ROBO2: variants seen among roughly 807,000 people sequenced by gnomAD.
ROBO2 encodes roundabout homolog 2.
ROBO2 carries 53 observed loss-of-function variants against 160.8 expected under a neutral mutation model. That is an observed-to-expected ratio of 0.33 (90% CI 0.26 to 0.41). The LOEUF is 0.41. Ranked by LOEUF, ROBO2 falls within the 10% of genes least tolerant of loss-of-function variation. The pLI is 1.00. For synonymous variants in ROBO2, 664 were observed against 611.7 expected (o/e 1.09, Z -1.26); for missense variants, 1,577 against 1,722.4 (o/e 0.92, Z 1.49).
At chr3:76,054,431 A>G in intron 2 of ROBO2, among the ~76,000 whole-genome samples, 1 of 152,212 alleles carries the variant, frequency 6.6e-6, no homozygotes, top group East Asian at 1.9e-4. Flanking sequence ...AGAAATTCAG[A>G]AACGGTCAAC....
chr3:75,925,759 G>T (rs1413613491), intron 1 of ROBO2, among the ~76,000 whole-genome samples: 2 of 152,228 alleles, frequency 1.3e-5, no homozygotes, highest in African/African-American at 4.8e-5. Context: ...GGCAGCCACA[G>T]TGTAGTGGTA....
intron 2 of ROBO2, among the ~76,000 whole-genome samples, chr3:76,042,505 C>T (rs2067303645): frequency 6.6e-6 from 1 of 151,984 alleles, no homozygotes; most frequent in Admixed American, 6.5e-5. Flanking sequence ...TATTTGACTT[C>T]CATAAAATTT....
intron 2 of ROBO2, among the ~76,000 whole-genome samples, chr3:76,128,926 A>G (rs1206620892): frequency 6.6e-6 from 1 of 152,136 alleles, no homozygotes; most frequent in Non-Finnish European, 1.5e-5. Context: ...ATAGAGCAGT[A>G]ACTTGTGAAT....
chr3:76,911,790 TAAC>T (rs57483966), intron 2 of ROBO2, among the ~76,000 whole-genome samples: 15,749 of 151,858 alleles, frequency 0.1, 1,434 homozygotes, highest in African/African-American at 0.24. Context: ...AAGACAACAA[TAAC>T]AACAACAACA....
chr3:76,955,766 A>C (rs2079205467), intron 2 of ROBO2, among the ~76,000 whole-genome samples: 1 of 152,142 alleles, frequency 6.6e-6, no homozygotes, highest in Non-Finnish European at 1.5e-5. Flanking sequence ...AAAATACACT[A>C]ACTTCACAAA....
intron 2 of ROBO2, among the ~76,000 whole-genome samples, chr3:76,073,540 C>T (rs574099083): frequency 2.6e-4 from 40 of 152,092 alleles, no homozygotes; most frequent in Non-Finnish European, 5.0e-4. Flanking sequence ...ATCCACCCGC[C>T]TCAGCCTCCC....
chr3:76,613,856 G>A (rs766128619), intron 2 of ROBO2, among the ~76,000 whole-genome samples: 27 of 152,014 alleles, frequency 1.8e-4, no homozygotes, highest in Non-Finnish European at 3.2e-4. Flanking sequence ...TTGGATTCAT[G>A]TCTGAACTAA....
At chr3:76,600,001 T>G (rs2087016759) in intron 2 of ROBO2, among the ~76,000 whole-genome samples, 1 of 152,254 alleles carries the variant, frequency 6.6e-6, no homozygotes, top group Non-Finnish European at 1.5e-5. Context: ...ATTTTCTGTT[T>G]ACTCTGTTGA....
intron 2 of ROBO2, among the ~76,000 whole-genome samples, chr3:77,023,206 G>A (rs1374246950): frequency 1.3e-5 from 2 of 152,068 alleles, no homozygotes; most frequent in Non-Finnish European, 2.9e-5. Context: ...TGGGCTTATC[G>A]GGGGTTACTG....
chr3:76,858,605 G>A (rs2070394751), intron 2 of ROBO2, among the ~76,000 whole-genome samples: 1 of 152,154 alleles, frequency 6.6e-6, no homozygotes, highest in African/African-American at 2.4e-5. Flanking sequence ...ACCATGTCAT[G>A]AGTAATAAGA....
At chr3:77,588,631 C>A in intron 16 of ROBO2, 120 bp from the exon 18 acceptor site, 1 of 956,738 alleles carries the variant, frequency 1.0e-6, no homozygotes, top group East Asian at 2.6e-5. Context: ...GTGATAGGCT[C>A]AAAACTAAAC....
At chr3:76,930,795 T>A (rs1202695904) in intron 2 of ROBO2, among the ~76,000 whole-genome samples, 2 of 152,208 alleles carry the variant, frequency 1.3e-5, no homozygotes, top group Non-Finnish European at 2.9e-5. Context: ...CACCTTTTTG[T>A]TCTGTTCAGG....
At chr3:76,135,330 A>C (rs2071390162) in intron 2 of ROBO2, among the ~76,000 whole-genome samples, 9 of 152,124 alleles carry the variant, frequency 5.9e-5, no homozygotes, top group Admixed American at 5.9e-4. Flanking sequence ...ACATATGAGG[A>C]AACCTAGGCT....
chr3:77,535,328 G>A (rs922796583), intron 6 of ROBO2, among the ~76,000 whole-genome samples: 17 of 151,688 alleles, frequency 1.1e-4, no homozygotes, highest in Admixed American at 1.1e-3. Context: ...CTGGCAAGTT[G>A]ACAGGTTAAG....
intron 2 of ROBO2, among the ~76,000 whole-genome samples, chr3:76,018,251 T>A (rs944364785): frequency 6.6e-6 from 1 of 151,982 alleles, no homozygotes; most frequent in Non-Finnish European, 1.5e-5. Flanking sequence ...ACATGGTGAA[T>A]GTCACATTTC....
chr3:77,454,881 T>A (rs752094412), intron 2 of ROBO2, among the ~76,000 whole-genome samples: 1 of 152,320 alleles, frequency 6.6e-6, no homozygotes, highest in Admixed American at 6.5e-5. Context: ...AGTTTGAAGA[T>A]CATGGTTGAG....
chr3:76,932,084 AT>A (rs1429628605), intron 2 of ROBO2, among the ~76,000 whole-genome samples: 9 of 152,242 alleles, frequency 5.9e-5, no homozygotes, highest in South Asian at 4.1e-4. Flanking sequence ...ATATCAAGTC[AT>A]TTTTTCAGCT....
At chr3:77,267,879 TC>T (rs2059239895) in intron 2 of ROBO2, among the ~76,000 whole-genome samples, 1 of 151,818 alleles carries the variant, frequency 6.6e-6, no homozygotes, top group Admixed American at 6.6e-5. Flanking sequence ...ACTTACCAAC[TC>T]CCCCAATAAA....
At chr3:76,536,539 C>G (rs754400159) in intron 2 of ROBO2, among the ~76,000 whole-genome samples, 12 of 151,946 alleles carry the variant, frequency 7.9e-5, no homozygotes, top group Middle Eastern at 3.2e-3. Flanking sequence ...TGTATGCTGC[C>G]TTTTTCAGCC....
Sources: gnomAD v4.1 joint callset for allele counts (sites outside exome capture counted in the v4.1 genomes callset) on GRCh38, gnomAD v4.1.1 for gene constraint, MANE v1.5 for transcripts, NCBI Gene and HGNC (gene_info 2026-07-23, HGNC 2026-07-21) for gene names.